PTPRT: variants seen among roughly 807,000 people sequenced by gnomAD.
PTPRT encodes the protein receptor-type tyrosine-protein phosphatase T.
Under a neutral mutation model 176.8 loss-of-function variants are expected in PTPRT, and 56 were observed. That is an observed-to-expected ratio of 0.32 (90% CI 0.26 to 0.40). The LOEUF is 0.40. Among genes scored for constraint, PTPRT ranks in the 10% least tolerant of loss-of-function variants. The pLI, the probability that PTPRT is intolerant of heterozygous loss-of-function variation, is 1.00. For missense variants in PTPRT, 1,540 were observed against 1,908.2 expected (o/e 0.81, Z 3.60); for synonymous variants, 783 against 739.0 (o/e 1.06, Z -0.96).
intron 9 of PTPRT, among the ~76,000 whole-genome samples, chr20:42,424,140 GTTTTTTA>G (rs1426054370): frequency 6.6e-6 from 1 of 152,086 alleles, no homozygotes; most frequent in Non-Finnish European, 1.5e-5. Context: ...AAGCATTTAG[GTTTTTTA>G]TTTTTTATTT....
chr20:43,083,351 T>TATATATATATATATATAC (rs2011511496), intron 1 of PTPRT, among the ~76,000 whole-genome samples: 14 of 114,288 alleles, frequency 1.2e-4, no homozygotes, highest in African/African-American at 3.8e-4. Context: ...TATATATATA[T>TATATATATATATATATAC]ATATATATAT....
At chr20:42,528,486 T>G (rs1262188696) in intron 7 of PTPRT, among the ~76,000 whole-genome samples, 1 of 152,106 alleles carries the variant, frequency 6.6e-6, no homozygotes, top group Non-Finnish European at 1.5e-5. Flanking sequence ...GTTCAATATT[T>G]CATGTTAAAG....
At chr20:43,060,812 G>A (rs1987423958) in intron 1 of PTPRT, among the ~76,000 whole-genome samples, 2 of 152,148 alleles carry the variant, frequency 1.3e-5, no homozygotes. Context: ...AATGTGCCTA[G>A]TAAGAATTAG....
At chr20:42,159,104 CT>C (rs35657012) in intron 17 of PTPRT, among the ~76,000 whole-genome samples, 12,961 of 140,150 alleles carry the variant, frequency 0.092, 575 homozygotes, top group South Asian at 0.16. Flanking sequence ...CTACTTGTCC[CT>C]TTTTTTTTTT....
In PTPRT at chr20:42,629,081, G is replaced by A. The variant is rs1221068964; in HGVS notation, c.1153+48785C>T. Among the ~76,000 whole-genome samples the A allele has an allele frequency of 3.3e-5, 5 of 152,188 alleles. 1 individual carries two copies. In the South Asian group the frequency reaches 1.0e-3, roughly 32 times the overall value. On this transcript the variant is annotated intron_variant, in intron 7 of 30. Transcript: ENST00000373187. The stretch of plus-strand genomic sequence containing the variant: ...ACTTCTTGACACCTAGGGTGAGATG[G>A]CCAGGCTAGATTTATGGTAAGAGGA...
At chr20:42,868,304 G>A (rs1159102965) in intron 2 of PTPRT, among the ~76,000 whole-genome samples, 1 of 152,156 alleles carries the variant, frequency 6.6e-6, no homozygotes, top group Non-Finnish European at 1.5e-5. Context: ...TTCTGATGAG[G>A]TCTCTGACAG....
chr20:42,996,622 G>A (rs973420360), intron 1 of PTPRT, among the ~76,000 whole-genome samples: 3 of 152,132 alleles, frequency 2.0e-5, no homozygotes, highest in African/African-American at 4.8e-5. Flanking sequence ...GAGTGGTGAC[G>A]GAGATTATTA....
intron 8 of PTPRT, among the ~76,000 whole-genome samples, chr20:42,450,763 G>A (rs749353180): frequency 1.6e-4 from 24 of 152,196 alleles, no homozygotes; most frequent in African/African-American, 5.3e-4. Context: ...AAGGGACAGC[G>A]ATGGACACTA....
At chr20:42,560,298 C>A (rs951193055) in intron 7 of PTPRT, among the ~76,000 whole-genome samples, 1 of 152,186 alleles carries the variant, frequency 6.6e-6, no homozygotes, top group Non-Finnish European at 1.5e-5. Flanking sequence ...CGAGGTTGGG[C>A]AGTGATTCTC....
intron 11 of PTPRT, among the ~76,000 whole-genome samples, chr20:42,343,407 G>A (rs1390641639): frequency 1.3e-5 from 2 of 152,142 alleles, no homozygotes; most frequent in Non-Finnish European, 2.9e-5. Context: ...CTGCCCCTTG[G>A]AGAAGTCATC....
chr20:42,297,416 C>T (rs968334151), intron 12 of PTPRT, among the ~76,000 whole-genome samples: 14 of 152,056 alleles, frequency 9.2e-5, no homozygotes, highest in African/African-American at 3.4e-4. Flanking sequence ...GAAAGACATC[C>T]CTTATCTCAG....
At chr20:42,592,265 G>T (rs541452090) in intron 7 of PTPRT, among the ~76,000 whole-genome samples, 1 of 151,848 alleles carries the variant, frequency 6.6e-6, no homozygotes, top group Non-Finnish European at 1.5e-5. Flanking sequence ...ATGAGCCACC[G>T]CACCCAGCTT....
At chr20:42,967,976 C>T (rs1001836330) in intron 1 of PTPRT, among the ~76,000 whole-genome samples, 1 of 152,164 alleles carries the variant, frequency 6.6e-6, no homozygotes, top group African/African-American at 2.4e-5. Context: ...CACCTGGCCC[C>T]AGCTAGCCTC....
At chr20:42,844,580 C>T (rs2078335935) in intron 2 of PTPRT, among the ~76,000 whole-genome samples, 1 of 152,132 alleles carries the variant, frequency 6.6e-6, no homozygotes, top group Non-Finnish European at 1.5e-5. Context: ...ACAGAAGGCC[C>T]CTGGCTGGGG....
At chr20:42,371,844 T>C (rs2058590792) in intron 9 of PTPRT, among the ~76,000 whole-genome samples, 1 of 152,214 alleles carries the variant, frequency 6.6e-6, no homozygotes. Context: ...TGCTAAATTG[T>C]AGTCTTTCTA....
At chr20:42,637,444 C>CG (rs897985338) in intron 7 of PTPRT, among the ~76,000 whole-genome samples, 34 of 152,232 alleles carry the variant, frequency 2.2e-4, no homozygotes, top group Non-Finnish European at 3.2e-4. Context: ...GCTTGTTCCC[C>CG]CCTCACATCC....
chr20:42,967,786 C>G (rs563323978), intron 1 of PTPRT, among the ~76,000 whole-genome samples: 1 of 151,672 alleles, frequency 6.6e-6, no homozygotes, highest in East Asian at 1.9e-4. Context: ...TCATTGCCCT[C>G]GCTGCCTTCA....
chr20:42,510,691 C>T (rs542243835), intron 7 of PTPRT, among the ~76,000 whole-genome samples: 1 of 152,266 alleles, frequency 6.6e-6, no homozygotes, highest in East Asian at 1.9e-4. Flanking sequence ...ATACAAATTA[C>T]ACAGACTGGA....
chr20:43,154,169 T>C (rs1441766121), intron 1 of PTPRT, among the ~76,000 whole-genome samples: 2 of 152,250 alleles, frequency 1.3e-5, no homozygotes, highest in Admixed American at 6.5e-5. Flanking sequence ...TATTTAAGTC[T>C]TTAATCCATT....
Sources: allele counts gnomAD v4.1 joint callset (sites outside exome capture counted in the v4.1 genomes callset), GRCh38; gene constraint gnomAD v4.1.1; transcripts MANE v1.5; gene names NCBI Gene and HGNC (gene_info 2026-07-23, HGNC 2026-07-21).